PJA2: variants seen among roughly 807,000 people sequenced by gnomAD.
The protein encoded by PJA2 is praja ring finger ubiquitin ligase 2, also known as E3 ubiquitin-protein ligase Praja-2.
Under a neutral mutation model 69.3 loss-of-function variants are expected in PJA2, and 25 were observed. The ratio of observed to expected loss-of-function variants is 0.36; its 90% CI spans 0.26 to 0.50. The LOEUF is 0.50. Among genes scored for constraint, PJA2 ranks in the 20% least tolerant of loss-of-function variants. PJA2 has a pLI of 0.96. For synonymous variants in PJA2, 308 were observed against 277.8 expected (o/e 1.11, Z -1.08); for missense variants, 809 against 830.2 (o/e 0.97, Z 0.31).
At chr5:109,391,593 C>T (rs2127012965) in intron 1 of PJA2, among the ~76,000 whole-genome samples, 1 of 151,598 alleles carries the variant, frequency 6.6e-6, no homozygotes, top group South Asian at 2.1e-4. Flanking sequence ...TACATATACT[C>T]AAACACCTAC....
chr5:109,374,429 C>T (rs996107243), intron 4 of PJA2, among the ~76,000 whole-genome samples: 1 of 152,140 alleles, frequency 6.6e-6, no homozygotes, highest in Admixed American at 6.5e-5. Context: ...TTCTTTGTGG[C>T]TCTCAGGTAA....
intron 5 of PJA2, 55 bp from the exon 6 acceptor site, chr5:109,363,077 C>A: frequency 7.0e-7 from 1 of 1,435,102 alleles, no homozygotes. Context: ...CATACCATAA[C>A]ACTGTCTTTA....
intron 7 of PJA2, among the ~76,000 whole-genome samples, chr5:109,354,381 TA>T (rs1762363965): frequency 2.3e-4 from 32 of 137,436 alleles, no homozygotes; most frequent in Admixed American, 4.2e-4. Context: ...ATCTATAGAT[TA>T]GATATCTCTG....
At chr5:109,374,610 A>G (rs1236701621) in intron 4 of PJA2, among the ~76,000 whole-genome samples, 1 of 152,252 alleles carries the variant, frequency 6.6e-6, no homozygotes, top group Non-Finnish European at 1.5e-5. Context: ...ATCCTTTAAT[A>G]TATCATATTG....
chr5:109,367,957 T>C (rs1048892526), intron 5 of PJA2, among the ~76,000 whole-genome samples: 13 of 143,146 alleles, frequency 9.1e-5, no homozygotes, highest in African/African-American at 2.9e-4. Flanking sequence ...CATTTACATC[T>C]TGTCTATGGC....
intron 1 of PJA2, among the ~76,000 whole-genome samples, chr5:109,397,638 C>T (rs1354876472): frequency 6.6e-6 from 1 of 152,106 alleles, no homozygotes. Flanking sequence ...CCTGCCTCAG[C>T]CTCCCAAGCA....
rs1561336959 is a variant in PJA2, at chr5:109,337,168, T to G, written c.*63A>C. On this transcript the variant is annotated 3_prime_UTR_variant, in exon 10 of 10. Coordinates refer to ENST00000361189, the MANE Select transcript of PJA2 (RefSeq NM_014819.5). ...ATATTTATATATAATTATTTGCACA[T>G]GAAATTTAGAAGGAATTTGCAGATT... 2 of 1,497,060 alleles carry G rather than the reference T, an allele frequency of 1.3e-6. No individual in the cohort carries two copies. Among genetic ancestry groups the G allele is most frequent in the Non-Finnish European group, 1.8e-6 (2 of 1,107,610 alleles). 92.7% of individuals were successfully genotyped at this position (1,497,060 alleles called of 1,614,324 possible).
chr5:109,403,548 A>G (rs1747611249), intron 1 of PJA2, among the ~76,000 whole-genome samples: 1 of 151,792 alleles, frequency 6.6e-6, no homozygotes, highest in African/African-American at 2.4e-5. Flanking sequence ...TCTTTCATGA[A>G]CATAGATGCA....
In PJA2 at chr5:109,368,729, C is replaced by T. The variant is rs1327638084; in HGVS notation, c.1301G>A (p.Gly434Glu). The T allele has an allele frequency of 6.2e-7, 1 of 1,613,018 alleles. No individual in the cohort carries two copies. Among genetic ancestry groups the T allele is most frequent in the Non-Finnish European group, 8.5e-7 (1 of 1,179,640 alleles). The change falls in exon 5 of 10, where the codon GGG becomes GAG. Residue 434 changes from glycine (G) to glutamate (E), a missense_variant. Physicochemically the swap from Gly to Glu is moderately conservative, Grantham distance 98. Coordinates refer to ENST00000361189, the MANE Select transcript of PJA2 (RefSeq NM_014819.5). ...KDEDSSECSDGEWSASLPHRF... is the reference protein window; with the variant it reads ...KDEDSSECSDEEWSASLPHRF... ...ATGAGGCAAAGAAGCAGACCATTCCCCATCACTGCATTCAGAACTGCAAAT... is the reference window on the plus strand; with the variant it reads ...ATGAGGCAAAGAAGCAGACCATTCCTCATCACTGCATTCAGAACTGCAAAT...
intron 8 of PJA2, 45 bp downstream of exon 8, chr5:109,344,660 A>G (rs749647625): frequency 1.6e-6 from 2 of 1,263,572 alleles, no homozygotes; most frequent in South Asian, 2.6e-5. Flanking sequence ...ATATACTTAA[A>G]TGTACAATGT....
intron 4 of PJA2, among the ~76,000 whole-genome samples, chr5:109,369,249 T>C (rs776005253): frequency 6.6e-6 from 1 of 152,198 alleles, no homozygotes; most frequent in Non-Finnish European, 1.5e-5. Context: ...CATCATAGTA[T>C]AGAGTGGAGT....
intron 5 of PJA2, among the ~76,000 whole-genome samples, chr5:109,363,256 T>C (rs1762530340): frequency 6.6e-6 from 1 of 152,234 alleles, no homozygotes; most frequent in Non-Finnish European, 1.5e-5. Context: ...ACATATTTAT[T>C]TGATTTACAA....
At chr5:109,403,408 G>A (rs1480586508) in intron 1 of PJA2, among the ~76,000 whole-genome samples, 1 of 151,812 alleles carries the variant, frequency 6.6e-6, no homozygotes, top group African/African-American at 2.4e-5. Flanking sequence ...AAAACTCTAG[G>A]ACCAGAAGAG....
At chr5:109,375,729 C>T (rs553843954) in intron 4 of PJA2, among the ~76,000 whole-genome samples, 6 of 152,262 alleles carry the variant, frequency 3.9e-5, no homozygotes, top group African/African-American at 1.2e-4. Flanking sequence ...ATCACCATCT[C>T]TCCAATCTAC....
chr5:109,381,392 G>A (rs1747044927), intron 3 of PJA2, 111 bp downstream of exon 3: 2 of 694,462 alleles, frequency 2.9e-6, no homozygotes, highest in East Asian at 5.5e-5. Context: ...TTGATAGGAA[G>A]TGTGCTGCAT....
intron 1 of PJA2, among the ~76,000 whole-genome samples, chr5:109,384,162 T>G (rs996319009): frequency 1.3e-5 from 2 of 152,020 alleles, no homozygotes; most frequent in Non-Finnish European, 2.9e-5. Context: ...TATTTGGGAG[T>G]CTACTACACT....
chr5:109,394,391 C>T (rs1323481172), intron 1 of PJA2, among the ~76,000 whole-genome samples: 4 of 152,074 alleles, frequency 2.6e-5, no homozygotes, highest in East Asian at 1.9e-4. Context: ...TTGACTTCAG[C>T]CTGTGCTAAT....
rs1389302110 is a variant in PJA2, at chr5:109,342,554, G to A, written c.2001+1636C>T. On this transcript the variant is annotated intron_variant, in intron 9 of 9. Transcript: ENST00000361189. ...GGTCAGCTCCCCCACCCGGCCAGCCGCCCCGTCCGGGAGGTGAGGGGCGCC... is the reference window on the plus strand; with the variant it reads ...GGTCAGCTCCCCCACCCGGCCAGCCACCCCGTCCGGGAGGTGAGGGGCGCC... Among the ~76,000 whole-genome samples, 267 of 92,398 alleles carry A rather than the reference G, an allele frequency of 2.9e-3. 4 individuals are homozygous for A. The highest frequency in any genetic ancestry group is 0.012 in the African/African-American group (243 of 19,904). 60.6% of individuals were successfully genotyped at this position (92,398 alleles called of 152,430 possible). A position where few individuals can be genotyped will look rare whatever the true frequency, so the allele number is the denominator to read the frequency against.
intron 4 of PJA2, among the ~76,000 whole-genome samples, chr5:109,372,900 C>T (rs116268935): frequency 0.055 from 849 of 15,448 alleles, 11 homozygotes; most frequent in African/African-American, 0.11. Flanking sequence ...AGCAACACTC[C>T]GTCTCAAAAA....
Sources: gnomAD v4.1 joint callset for allele counts (sites outside exome capture counted in the v4.1 genomes callset) on GRCh38, gnomAD v4.1.1 for gene constraint, MANE v1.5 for transcripts, NCBI Gene and HGNC (gene_info 2026-07-23, HGNC 2026-07-21) for gene names.